STXBP5L: variants seen among roughly 807,000 people sequenced by gnomAD.
STXBP5L encodes syntaxin binding protein 5L.
In STXBP5L, 65 loss-of-function variants were observed where a neutral mutation model predicts 144.5. The ratio of observed to expected loss-of-function variants is 0.45; its 90% CI spans 0.37 to 0.55. The LOEUF is 0.55. STXBP5L is among the 20% of genes least tolerant of loss of function. The pLI is 0.00. For synonymous variants in STXBP5L, 505 were observed against 469.6 expected, an observed-to-expected ratio of 1.08 and a Z score of -0.97; for missense variants, 1,298 against 1,405.5, an observed-to-expected ratio of 0.92 and a Z score of 1.22.
intron 3 of STXBP5L, among the ~76,000 whole-genome samples, chr3:120,998,007 A>T (rs645045): frequency 0.38 from 57,028 of 152,054 alleles, 10,895 homozygotes; most frequent in Non-Finnish European, 0.4. Flanking sequence ...ATAGTTGCAG[A>T]TAAAGCTTTC....
rs1031531391 is a variant in STXBP5L at position 121,222,934 on chromosome 3, G to T, written c.957-69G>T. ...TATGCAACAAAACCTGTTCTTTATA[G>T]GTTCAGTCCTGTGACTTTGTGTCAT... On this transcript the variant is annotated intron_variant, in intron 10 of 26. Coordinates refer to ENST00000471454, the MANE Select transcript of STXBP5L (RefSeq NM_001308330.2). The T allele has an allele frequency of 3.4e-6, 5 of 1,482,248 alleles. No individual in the cohort carries two copies. In the African/African-American group the frequency reaches 7.2e-5, roughly 21 times the overall value. 91.8% of individuals were successfully genotyped at this position (1,482,248 alleles called of 1,614,324 possible). A position where few individuals can be genotyped will look rare whatever the true frequency, so the allele number is the denominator to read the frequency against.
chr3:121,020,025 A>G (rs1024719162), intron 3 of STXBP5L, among the ~76,000 whole-genome samples: 1 of 152,206 alleles, frequency 6.6e-6, no homozygotes, highest in African/African-American at 2.4e-5. Flanking sequence ...ATAAGAAAAA[A>G]TGATGCAGGA....
At chr3:120,998,430 C>T (rs747504006) in intron 3 of STXBP5L, among the ~76,000 whole-genome samples, 6 of 151,992 alleles carry the variant, frequency 3.9e-5, no homozygotes, top group East Asian at 1.9e-4. Flanking sequence ...ATGTGCAGAA[C>T]GTGCAGGTTT....
chr3:121,003,781 T>G (rs538732451), intron 3 of STXBP5L, among the ~76,000 whole-genome samples: 3 of 152,152 alleles, frequency 2.0e-5, no homozygotes, highest in African/African-American at 4.8e-5. Flanking sequence ...GGCTAGGCAG[T>G]TTTCCCAGCA....
chr3:121,404,278 C>T (rs929342163), intron 22 of STXBP5L, among the ~76,000 whole-genome samples: 17 of 152,050 alleles, frequency 1.1e-4, no homozygotes, highest in African/African-American at 3.6e-4. Context: ...GTTAACAAAT[C>T]CTGCTGGCAC....
At chr3:121,288,539 T>C (rs1176238891) in intron 19 of STXBP5L, among the ~76,000 whole-genome samples, 1 of 152,208 alleles carries the variant, frequency 6.6e-6, no homozygotes, top group Non-Finnish European at 1.5e-5. Flanking sequence ...ACATTCTGAC[T>C]GGTGTGAGAT....
intron 12 of STXBP5L, among the ~76,000 whole-genome samples, chr3:121,236,618 G>A (rs1353683511): frequency 1.3e-5 from 2 of 152,184 alleles, no homozygotes; most frequent in East Asian, 1.9e-4. Context: ...CTATTCATGA[G>A]GAATCTGCCC....
intron 16 of STXBP5L, among the ~76,000 whole-genome samples, chr3:121,256,727 T>C (rs1420490973): frequency 6.6e-6 from 1 of 151,820 alleles, no homozygotes; most frequent in Non-Finnish European, 1.5e-5. Context: ...CACACACATA[T>C]ACACGTTTGT....
intron 3 of STXBP5L, among the ~76,000 whole-genome samples, chr3:120,995,271 C>T (rs1473471547): frequency 1.3e-5 from 2 of 152,240 alleles, no homozygotes; most frequent in East Asian, 1.9e-4. Flanking sequence ...CTTCAGCCTC[C>T]CCAGTAGCTG....
intron 3 of STXBP5L, among the ~76,000 whole-genome samples, chr3:121,016,301 G>A (rs1945143716): frequency 1.3e-5 from 2 of 152,182 alleles, no homozygotes; most frequent in Admixed American, 6.5e-5. Context: ...TGTTAGAAAA[G>A]GAATTTAAAA....
intron 3 of STXBP5L, among the ~76,000 whole-genome samples, chr3:121,008,865 A>T (rs563096488): frequency 2.0e-5 from 3 of 152,142 alleles, no homozygotes; most frequent in South Asian, 2.1e-4. Flanking sequence ...AATATGTAGC[A>T]ATTGTAATAA....
chr3:121,160,506 T>G (rs1418205374), intron 9 of STXBP5L, among the ~76,000 whole-genome samples: 2 of 152,152 alleles, frequency 1.3e-5, no homozygotes, highest in African/African-American at 2.4e-5. Flanking sequence ...AATCTAGAGA[T>G]GATTTAAAGT....
chr3:121,007,906 G>A (rs541535267), intron 3 of STXBP5L, among the ~76,000 whole-genome samples: 67 of 151,896 alleles, frequency 4.4e-4, no homozygotes, highest in African/African-American at 1.6e-3. Context: ...AATACTTACA[G>A]GTGTTATTCA....
chr3:120,989,599 C>G (rs886834989), intron 3 of STXBP5L, among the ~76,000 whole-genome samples: 4 of 151,986 alleles, frequency 2.6e-5, no homozygotes, highest in Admixed American at 2.6e-4. Flanking sequence ...CTATAATATG[C>G]TGAGAGTGGA....
intron 7 of STXBP5L, among the ~76,000 whole-genome samples, chr3:121,142,908 A>AT (rs2045565791): frequency 6.6e-6 from 1 of 151,846 alleles, no homozygotes; most frequent in African/African-American, 2.4e-5. Context: ...AATGAAATGG[A>AT]TAAAAAAATC....
chr3:121,370,224 CAGGCA>C (rs2045990882), intron 20 of STXBP5L, among the ~76,000 whole-genome samples: 2 of 152,042 alleles, frequency 1.3e-5, no homozygotes, highest in Non-Finnish European at 2.9e-5. Context: ...AAAAATTAGC[CAGGCA>C]TGATGGCAGG....
At chr3:121,384,393 G>T (rs2046380939) in intron 22 of STXBP5L, among the ~76,000 whole-genome samples, 1 of 152,116 alleles carries the variant, frequency 6.6e-6, no homozygotes, top group South Asian at 2.1e-4. Flanking sequence ...GCTGGGCGCA[G>T]TGGCTCACAA....
chr3:121,011,838 A>T (rs570413621), intron 3 of STXBP5L, among the ~76,000 whole-genome samples: 7 of 151,772 alleles, frequency 4.6e-5, no homozygotes, highest in African/African-American at 7.3e-5. Flanking sequence ...TAATTTAATC[A>T]TTTAAAGTAA....
chr3:121,035,470 C>G (rs550098272), intron 3 of STXBP5L, among the ~76,000 whole-genome samples: 1 of 152,206 alleles, frequency 6.6e-6, no homozygotes, highest in African/African-American at 2.4e-5. Context: ...AAAGGATGTC[C>G]TTTCCCAGTG....
Sources: gnomAD v4.1 joint callset for allele counts (sites outside exome capture counted in the v4.1 genomes callset) on GRCh38, gnomAD v4.1.1 for gene constraint, MANE v1.5 for transcripts, NCBI Gene and HGNC (gene_info 2026-07-23, HGNC 2026-07-21) for gene names.